RNF182: variants seen among roughly 807,000 people sequenced by gnomAD.
RNF182 encodes E3 ubiquitin-protein ligase RNF182.
A neutral mutation model predicts 14.4 loss-of-function variants in RNF182; 15 were observed. The observed-to-expected ratio is 1.04, with a 90% CI of 0.70 to 1.60. The LOEUF (loss-of-function observed/expected upper bound fraction) is 1.60, where lower values mean the gene tolerates loss of function less well. Ranked by LOEUF, RNF182 falls within the 40% of genes most tolerant of loss-of-function variation. RNF182 has a pLI of 0.00. For missense variants in RNF182, 268 were observed against 294.8 expected, an observed-to-expected ratio of 0.91 and a Z score of 0.67; for synonymous variants, 128 against 122.9, an observed-to-expected ratio of 1.04 and a Z score of -0.27.
At chr6:13,929,335 T>C (rs1301147258) in intron 1 of RNF182, among the ~76,000 whole-genome samples, 1 of 152,186 alleles carries the variant, frequency 6.6e-6, no homozygotes, top group Non-Finnish European at 1.5e-5. Context: ...TCTATAGCTA[T>C]AGTCATTCAA....
At chr6:13,948,963 G>A (rs1361670475) in intron 1 of RNF182, 2 of 310,706 alleles carry the variant, frequency 6.4e-6, no homozygotes, top group Non-Finnish European at 1.2e-5. Context: ...TTGCATTAAT[G>A]TACTATTAAT....
intron 1 of RNF182, among the ~76,000 whole-genome samples, chr6:13,958,587 T>C (rs1343948034): frequency 6.6e-6 from 1 of 152,184 alleles, no homozygotes; most frequent in Admixed American, 6.5e-5. Flanking sequence ...TTATCTACTC[T>C]GTGCTAGCTT....
chr6:13,965,166 C>G (rs1338154852), intron 1 of RNF182, among the ~76,000 whole-genome samples: 1 of 152,168 alleles, frequency 6.6e-6, no homozygotes, highest in Non-Finnish European at 1.5e-5. Flanking sequence ...AGAAGACTTT[C>G]TAGAGATGAA....
intron 1 of RNF182, among the ~76,000 whole-genome samples, chr6:13,951,675 GCCAGCATGCCA>G (rs1048194603): frequency 6.6e-6 from 1 of 152,066 alleles, no homozygotes; most frequent in African/African-American, 2.4e-5. Context: ...CTACCTTTTT[GCCAGCATGCCA>G]GGTTTCTGGG....
chr6:13,943,637 T>A (rs1759355839), intron 1 of RNF182, among the ~76,000 whole-genome samples: 1 of 152,236 alleles, frequency 6.6e-6, no homozygotes, highest in Admixed American at 6.5e-5. Context: ...GTCTTGCTCA[T>A]TGTTAGTATC....
At chr6:13,946,148 T>TTATTATTATTAC (rs1215843938) in intron 1 of RNF182, among the ~76,000 whole-genome samples, 3 of 144,274 alleles carry the variant, frequency 2.1e-5, no homozygotes, top group Non-Finnish European at 4.5e-5. Context: ...AACATTATTA[T>TTATTATTATTAC]TATTATTATT....
At chr6:13,969,473 T>G (rs938033083) in intron 1 of RNF182, among the ~76,000 whole-genome samples, 5 of 152,020 alleles carry the variant, frequency 3.3e-5, no homozygotes, top group Admixed American at 1.3e-4. Context: ...TTTTGTAATT[T>G]GAGTGAGTAG....
At chr6:13,943,584 G>T (rs1759354234) in intron 1 of RNF182, among the ~76,000 whole-genome samples, 1 of 152,110 alleles carries the variant, frequency 6.6e-6, no homozygotes. Context: ...ATACATGCCT[G>T]TCCCCCTCTG....
chr6:13,960,692 T>TGC (rs1311622318), intron 1 of RNF182, among the ~76,000 whole-genome samples: 1,936 of 137,756 alleles, frequency 0.014, 57 homozygotes, highest in African/African-American at 0.046. Context: ...TGTGTGTGTG[T>TGC]GCGCGCGTGC....
chr6:13,948,558 C>G (rs1759495324), intron 1 of RNF182, among the ~76,000 whole-genome samples: 2 of 152,130 alleles, frequency 1.3e-5, no homozygotes, highest in African/African-American at 4.8e-5. Flanking sequence ...TTTAGTATGT[C>G]AAATAAGTCA....
intron 1 of RNF182, among the ~76,000 whole-genome samples, chr6:13,931,766 C>T (rs1192879640): frequency 6.6e-6 from 1 of 151,926 alleles, no homozygotes; most frequent in Non-Finnish European, 1.5e-5. Context: ...CTCTCTGTGC[C>T]TTCATTTCGT....
At chr6:13,926,221 G>T (rs1198832675) in intron 1 of RNF182, among the ~76,000 whole-genome samples, 1 of 152,190 alleles carries the variant, frequency 6.6e-6, no homozygotes, top group Admixed American at 6.5e-5. Flanking sequence ...TATATGGAAT[G>T]CAAGAAATTA....
intron 1 of RNF182, among the ~76,000 whole-genome samples, chr6:13,958,039 G>T (rs967343548): frequency 2.0e-5 from 3 of 151,798 alleles, no homozygotes; most frequent in Non-Finnish European, 4.4e-5. Flanking sequence ...TAGATGCTAT[G>T]ACTTATAAGT....
chr6:13,954,448 T>C (rs1759678669), intron 1 of RNF182, among the ~76,000 whole-genome samples: 1 of 152,254 alleles, frequency 6.6e-6, no homozygotes, highest in Admixed American at 6.5e-5. Flanking sequence ...AGCAAGCTTT[T>C]CTAACCTGTG....
chr6:13,967,778 G>A (rs1158920880), intron 1 of RNF182, among the ~76,000 whole-genome samples: 2 of 151,780 alleles, frequency 1.3e-5, no homozygotes, highest in African/African-American at 4.8e-5. Flanking sequence ...TATTGCCCTG[G>A]CTAGTCTCAA....
At chr6:13,965,613 A>T (rs1760004101) in intron 1 of RNF182, among the ~76,000 whole-genome samples, 1 of 152,208 alleles carries the variant, frequency 6.6e-6, no homozygotes, top group African/African-American at 2.4e-5. Flanking sequence ...GAAGTATCAC[A>T]CTAGCAGCAG....
intron 1 of RNF182, among the ~76,000 whole-genome samples, chr6:13,972,923 C>T (rs1209362066): frequency 1.3e-5 from 2 of 152,220 alleles, no homozygotes; most frequent in African/African-American, 2.4e-5. Context: ...GGCCACTGTC[C>T]TCCAGACCCC....
At chr6:13,925,395 A>C (rs574417616) in intron 1 of RNF182, 11 of 152,176 alleles carry the variant, frequency 7.2e-5, no homozygotes, top group East Asian at 3.9e-4. Flanking sequence ...TTGGACTTTC[A>C]TGTTTCATGG....
intron 1 of RNF182, among the ~76,000 whole-genome samples, chr6:13,933,695 A>G (rs1759032756): frequency 6.6e-6 from 1 of 152,140 alleles, no homozygotes; most frequent in Non-Finnish European, 1.5e-5. Flanking sequence ...CACTTAGAGA[A>G]CATCTCAATT....
Sources: gnomAD v4.1 joint callset for allele counts (sites outside exome capture counted in the v4.1 genomes callset) on GRCh38, gnomAD v4.1.1 for gene constraint, MANE v1.5 for transcripts, NCBI Gene and HGNC (gene_info 2026-07-23, HGNC 2026-07-21) for gene names.